Variants in MCC observed in about 807,000 individuals in gnomAD.
The protein encoded by MCC is MCC regulator of Wnt signaling pathway.
Under a neutral mutation model 116.2 loss-of-function variants are expected in MCC, and 90 were observed. That is an observed-to-expected ratio of 0.77 (90% confidence interval 0.65 to 0.92). The LOEUF is 0.92. Among genes scored for constraint, MCC ranks in the 40% least tolerant of loss-of-function variants. The pLI, the probability that MCC is intolerant of heterozygous loss-of-function variation, is 0.00. For synonymous variants in MCC, 578 were observed against 510.5 expected (o/e 1.13, Z -1.78); for missense variants, 1,516 against 1,312.2 (o/e 1.16, Z -2.40).
intron 12 of MCC, among the ~76,000 whole-genome samples, 180 bp downstream of exon 12, chr5:113,070,914 A>T (rs1753992888): frequency 6.6e-6 from 1 of 152,236 alleles, no homozygotes; most frequent in South Asian, 2.1e-4. Flanking sequence ...GGAGAAATAT[A>T]CCTGTTTACT....
chr5:113,414,127 G>T (rs559090255), intron 1 of MCC, among the ~76,000 whole-genome samples: 1 of 152,278 alleles, frequency 6.6e-6, no homozygotes, highest in South Asian at 2.1e-4. Flanking sequence ...TTGCACTGTG[G>T]TCTGAGAGAC....
chr5:113,198,661 G>T (rs529908696), intron 3 of MCC, among the ~76,000 whole-genome samples: 3 of 150,834 alleles, frequency 2.0e-5, no homozygotes, highest in African/African-American at 7.3e-5. Flanking sequence ...CAGTGATCAT[G>T]GGCCACTGCA....
At chr5:113,033,443 A>G (rs1417704864) in intron 17 of MCC, among the ~76,000 whole-genome samples, 1 of 152,242 alleles carries the variant, frequency 6.6e-6, no homozygotes, top group Non-Finnish European at 1.5e-5. Context: ...GCAAAGAAAC[A>G]TAGCTTACTA....
At position 113,149,240 on chromosome 5, in the gene MCC, A is replaced by T. The variant is rs551574665; in HGVS notation, c.741+2069T>A. On this transcript the variant is annotated intron_variant, in intron 4 of 18. Transcript: ENST00000408903. The stretch of plus-strand genomic sequence containing the variant: ...AATATAAAAATAACTATTTTCTCTT[A>T]AAAAAAAAACACTGTAAAACAAAAA... 2.0e-4 allele frequency among the ~76,000 whole-genome samples: 28 copies of T among 137,158 alleles called. 1 individual carries two copies. In the East Asian group the frequency reaches 4.5e-3, roughly 22 times the overall value. 90.0% of individuals were successfully genotyped at this position (137,158 alleles called of 152,430 possible).
At chr5:113,365,243 C>T (rs560936283) in intron 2 of MCC, among the ~76,000 whole-genome samples, 40 of 152,242 alleles carry the variant, frequency 2.6e-4, no homozygotes, top group African/African-American at 9.1e-4. Context: ...TCTTGAATGC[C>T]TTGTTGCTTA....
At chr5:113,169,226 T>C (rs1407079121) in intron 3 of MCC, among the ~76,000 whole-genome samples, 1 of 151,974 alleles carries the variant, frequency 6.6e-6, no homozygotes, top group East Asian at 1.9e-4. Flanking sequence ...AAGAGGGAAA[T>C]AGAATGGATA....
chr5:113,189,170 G>C (rs769507218), intron 3 of MCC, among the ~76,000 whole-genome samples: 1 of 152,178 alleles, frequency 6.6e-6, no homozygotes, highest in Non-Finnish European at 1.5e-5. Flanking sequence ...ACTGAGCCCA[G>C]TGACAGCGGC....
intron 3 of MCC, among the ~76,000 whole-genome samples, chr5:113,278,490 T>A (rs1301149748): frequency 6.6e-6 from 1 of 152,142 alleles, no homozygotes; most frequent in Non-Finnish European, 1.5e-5. Flanking sequence ...GGAGAGGAGA[T>A]GGAACCTAGA....
At chr5:113,197,450 A>G (rs1762469232) in intron 3 of MCC, among the ~76,000 whole-genome samples, 1 of 152,178 alleles carries the variant, frequency 6.6e-6, no homozygotes, top group African/African-American at 2.4e-5. Flanking sequence ...TGAACACACT[A>G]AAAACCACTG....
rs184704376 is a variant in MCC, at chr5:113,215,208, G to A, written c.628-63786C>T. On this transcript the variant is annotated intron_variant, in intron 3 of 18. Transcript: ENST00000408903. ...TAGGTCTCTGCTGTCAGACTTCCAT[G>A]TTCAACTACACTGTATTTTAGTTGC... 3.2e-4 allele frequency among the ~76,000 whole-genome samples: 48 copies of A among 152,252 alleles called. 1 individual carries two copies. The East Asian group carries it at 7.5e-3, about 24-fold the overall frequency.
At chr5:113,060,107 G>A (rs1424087981) in intron 14 of MCC, among the ~76,000 whole-genome samples, 1 of 152,068 alleles carries the variant, frequency 6.6e-6, no homozygotes, top group African/African-American at 2.4e-5. Context: ...ATCTTACCTG[G>A]CCCTAGCTGA....
At chr5:113,301,392 G>A (rs547824902) in intron 3 of MCC, among the ~76,000 whole-genome samples, 1 of 151,850 alleles carries the variant, frequency 6.6e-6, no homozygotes, top group Non-Finnish European at 1.5e-5. Context: ...TTGAACACAG[G>A]AGGCAGAGGT....
intron 1 of MCC, among the ~76,000 whole-genome samples, chr5:113,478,215 A>C (rs1325273435): frequency 1.3e-5 from 2 of 152,196 alleles, no homozygotes; most frequent in Admixed American, 6.5e-5. Context: ...CTGCAGAGAA[A>C]TAACACAATC....
chr5:113,102,978 G>A (rs1756516265), intron 7 of MCC, among the ~76,000 whole-genome samples: 1 of 152,148 alleles, frequency 6.6e-6, no homozygotes, highest in Non-Finnish European at 1.5e-5. Flanking sequence ...GCCGGGCGTG[G>A]TGGCGCCCGC....
intron 1 of MCC, among the ~76,000 whole-genome samples, chr5:113,487,369 T>C (rs1227468488): frequency 6.6e-6 from 1 of 152,188 alleles, no homozygotes; most frequent in African/African-American, 2.4e-5. Context: ...CAATGGCCGG[T>C]GTCAACCATT....
intron 10 of MCC, 106 bp downstream of exon 10, chr5:113,083,995 A>G (rs1032257180): frequency 7.4e-6 from 6 of 806,650 alleles, no homozygotes; most frequent in Non-Finnish European, 2.1e-6. Context: ...ATTATAACTA[A>G]CTGGTTTATT....
At chr5:113,110,389 G>A (rs566903817) in intron 6 of MCC, among the ~76,000 whole-genome samples, 5 of 152,326 alleles carry the variant, frequency 3.3e-5, no homozygotes, top group African/African-American at 1.2e-4. Context: ...ATTATCTCCT[G>A]ACAGAAAGGA....
intron 3 of MCC, among the ~76,000 whole-genome samples, chr5:113,270,371 C>T (rs906504197): frequency 1.3e-5 from 2 of 152,026 alleles, no homozygotes; most frequent in African/African-American, 2.4e-5. Flanking sequence ...GTGCTGACTT[C>T]GGTGGCTGGA....
intron 3 of MCC, among the ~76,000 whole-genome samples, chr5:113,291,414 T>C (rs1766490086): frequency 6.6e-6 from 1 of 152,202 alleles, no homozygotes; most frequent in Non-Finnish European, 1.5e-5. Context: ...ACAGAGTCAG[T>C]GTCAACATTA....
Sources: gnomAD v4.1 joint callset for allele counts (sites outside exome capture counted in the v4.1 genomes callset) on GRCh38, gnomAD v4.1.1 for gene constraint, MANE v1.5 for transcripts, NCBI Gene and HGNC (gene_info 2026-07-23, HGNC 2026-07-21) for gene names.